COL18A1: variants seen among roughly 807,000 people sequenced by gnomAD.
The protein encoded by COL18A1 is collagen alpha-1(XVIII) chain.
COL18A1 carries 133 observed loss-of-function variants against 168.0 expected under a neutral mutation model. The ratio of observed to expected loss-of-function variants is 0.79; its 90% CI spans 0.69 to 0.91. COL18A1 has a LOEUF of 0.91. Ranked by LOEUF, COL18A1 falls within the 40% of genes least tolerant of loss-of-function variation. COL18A1 has a pLI of 0.00. For missense variants in COL18A1, 2,126 were observed against 1,925.4 expected (o/e 1.10, Z -1.95); for synonymous variants, 949 against 809.0 (o/e 1.17, Z -2.94).
chr21:45,464,590 G>A (rs2035141994), intron 2 of COL18A1, among the ~76,000 whole-genome samples: 2 of 152,228 alleles, frequency 1.3e-5, no homozygotes, highest in Admixed American at 1.3e-4. Flanking sequence ...GGAGGTCAGA[G>A]TCTGAAACCA....
chr21:45,509,845 AG>A (rs1457812829), intron 39 of COL18A1, among the ~76,000 whole-genome samples: 1 of 152,194 alleles, frequency 6.6e-6, no homozygotes, highest in Non-Finnish European at 1.5e-5. Context: ...CTCCGCCTAC[AG>A]CGGCAGCTGG....
intron 2 of COL18A1, among the ~76,000 whole-genome samples, chr21:45,437,904 TCAGA>T (rs1180325428): frequency 1.6e-4 from 3 of 18,800 alleles, no homozygotes; most frequent in Non-Finnish European, 2.6e-4. Flanking sequence ...ACACACTCAC[TCAGA>T]CACAGGCACT....
At chr21:45,480,902 G>A (rs1446776064) in intron 13 of COL18A1, 44 bp downstream of exon 13, 14 of 1,574,160 alleles carry the variant, frequency 8.9e-6, no homozygotes, top group African/African-American at 1.3e-5. Context: ...CCTGTCTGCT[G>A]GGAGTGAGGG....
intron 20 of COL18A1, 92 bp downstream of exon 20, chr21:45,490,438 C>A (rs116274237): frequency 2.2e-6 from 2 of 902,092 alleles, no homozygotes; most frequent in African/African-American, 2.6e-5. Context: ...ATGTGCCCTC[C>A]CGGGTCCCTG....
chr21:45,446,903 A>G (rs962244690), intron 2 of COL18A1, among the ~76,000 whole-genome samples: 5 of 152,232 alleles, frequency 3.3e-5, no homozygotes. Flanking sequence ...AAAACACCCA[A>G]TCATCTCAAT....
At chr21:45,481,290 A>ACATGACGGGCAGCAGGT (rs1331456390) in intron 13 of COL18A1, among the ~76,000 whole-genome samples, 3 of 152,100 alleles carry the variant, frequency 2.0e-5, no homozygotes, top group African/African-American at 7.2e-5. Flanking sequence ...GCTCTGCCAC[A>ACATGACGGGCAGCAGGT]CATGACGGGC....
intron 2 of COL18A1, among the ~76,000 whole-genome samples, chr21:45,415,683 C>T (rs1430520742): frequency 2.0e-5 from 3 of 152,186 alleles, no homozygotes; most frequent in Admixed American, 6.5e-5. Context: ...CTGGGGTTCA[C>T]GCCTTGCCTG....
At chr21:45,477,366 C>A in intron 6 of COL18A1, 45 bp from the exon 7 acceptor site, 1 of 1,538,192 alleles carries the variant, frequency 6.5e-7, no homozygotes, top group Non-Finnish European at 8.9e-7. Context: ...AGAGCTGGGG[C>A]CACCCGGGGG....
intron 2 of COL18A1, among the ~76,000 whole-genome samples, chr21:45,458,133 C>T (rs1367655219): frequency 1.8e-4 from 17 of 93,258 alleles, no homozygotes; most frequent in Admixed American, 1.8e-3. Context: ...AGGGCTGCAG[C>T]GGGGCCTGGC....
At chr21:45,467,195 C>T in intron 2 of COL18A1, 1 of 975,718 alleles carries the variant, frequency 1.0e-6, no homozygotes, top group Non-Finnish European at 1.2e-6. Context: ...GTGCTGCCCC[C>T]CTCCCGTGGG....
At chr21:45,477,718 CAGCCCG>C (rs879456771) in intron 7 of COL18A1, 26 bp from the exon 8 acceptor site, 3 of 1,510,610 alleles carry the variant, frequency 2.0e-6, no homozygotes, top group Admixed American at 2.0e-5. Context: ...GGCCCCACCC[CAGCCCG>C]AGCCCTGTGT....
intron 2 of COL18A1, among the ~76,000 whole-genome samples, chr21:45,449,823 C>G (rs2034582694): frequency 6.6e-6 from 1 of 152,052 alleles, no homozygotes. Context: ...GCCCGGTGGC[C>G]AGGTCTGGTG....
intron 2 of COL18A1, chr21:45,456,859 TG>T: frequency 6.8e-7 from 1 of 1,462,650 alleles, no homozygotes; most frequent in Non-Finnish European, 9.0e-7. Flanking sequence ...ATGGGTACTG[TG>T]TGCTCATTGG....
At chr21:45,480,554 G>A (rs369301699) in intron 12 of COL18A1, 34 bp downstream of exon 12, 11 of 1,613,898 alleles carry the variant, frequency 6.8e-6, no homozygotes, top group Non-Finnish European at 8.5e-6. Context: ...GCTGCCCGAT[G>A]TCTGTGCCCA....
intron 2 of COL18A1, among the ~76,000 whole-genome samples, chr21:45,461,632 C>T (rs372853232): frequency 1.2e-4 from 18 of 152,206 alleles, no homozygotes; most frequent in South Asian, 2.1e-4. Context: ...GTGGCACACA[C>T]GCATATTTGT....
rs1281891382 is a variant in COL18A1, at chr21:45,468,852, A to G, written c.651+66A>G. The G allele has an allele frequency of 3.5e-6, 5 of 1,428,304 alleles. No homozygotes were observed. The African/African-American group carries it at 7.1e-5, about 20-fold the overall frequency. 88.5% of individuals were successfully genotyped at this position (1,428,304 alleles called of 1,614,324 possible). A position where few individuals can be genotyped will look rare whatever the true frequency, so the allele number is the denominator to read the frequency against. Reference sequence around the variant, plus strand: ...GGGATGGGGTGGGGTGGGGGTGGCCACTGGGACAGGGACGGAGCTGTGGCC... The same window carrying G: ...GGGATGGGGTGGGGTGGGGGTGGCCGCTGGGACAGGGACGGAGCTGTGGCC... On this transcript the variant is annotated intron_variant, in intron 3 of 41. Transcript: ENST00000651438.
chr21:45,493,138 C>T (rs1241447866), intron 24 of COL18A1, 25 bp from the exon 25 acceptor site: 1 of 1,550,450 alleles, frequency 6.4e-7, no homozygotes, highest in Non-Finnish European at 8.7e-7. Flanking sequence ...GCCGCTCGGG[C>T]CTCACGGCCT....
chr21:45,456,565 C>T lies in COL18A1; in HGVS notation c.107-11677C>T, dbSNP rs575408648. On this transcript the variant is annotated intron_variant, in intron 2 of 41. Coordinates refer to ENST00000651438, the MANE Select transcript of COL18A1 (RefSeq NM_001379500.1). ...TGCCACCCTCCCTGCCAGTCTGCGG[C>T]CACCTGGGCATCTCACGCTTCTGGC... 1.0e-5 allele frequency: 16 copies of T among 1,545,964 alleles called. No individual in the cohort carries two copies. The African/African-American group carries it at 1.8e-4, about 17-fold the overall frequency.
chr21:45,445,796 AT>A (rs1463863326), intron 2 of COL18A1, among the ~76,000 whole-genome samples: 3 of 151,958 alleles, frequency 2.0e-5, no homozygotes, highest in Non-Finnish European at 2.9e-5. Context: ...TAGTTGGATT[AT>A]TGTCTTTTTG....
Sources: allele counts gnomAD v4.1 joint callset (sites outside exome capture counted in the v4.1 genomes callset), GRCh38; gene constraint gnomAD v4.1.1; transcripts MANE v1.5; gene names NCBI Gene and HGNC (gene_info 2026-07-23, HGNC 2026-07-21).